The following PHF20 variants were observed in gnomAD, a reference collection of about 807,000 sequenced individuals.
PHF20 encodes the protein glioma-expressed antigen 2.
Under a neutral mutation model 113.5 loss-of-function variants are expected in PHF20, and 23 were observed. That is an observed-to-expected ratio of 0.20 (90% confidence interval 0.15 to 0.29). The LOEUF (loss-of-function observed/expected upper bound fraction) is 0.29, where lower values mean the gene tolerates loss of function less well. Ranked by LOEUF, PHF20 falls within the 10% of genes least tolerant of loss-of-function variation. The pLI is 1.00. For missense variants in PHF20, 943 were observed against 1,219.6 expected (o/e 0.77, Z 3.38); for synonymous variants, 434 against 457.3 (o/e 0.95, Z 0.65).
intron 14 of PHF20, among the ~76,000 whole-genome samples, chr20:35,930,260 T>C (rs1002279065): frequency 6.6e-6 from 1 of 152,206 alleles, no homozygotes; most frequent in Non-Finnish European, 1.5e-5. Flanking sequence ...TCAAGATGCC[T>C]TTTGCCAGGC....
At chr20:35,833,807 C>T (rs2042392808) in intron 2 of PHF20, among the ~76,000 whole-genome samples, 1 of 152,088 alleles carries the variant, frequency 6.6e-6, no homozygotes, top group Non-Finnish European at 1.5e-5. Context: ...TGCCTGTAAT[C>T]CCAGCACTTT....
intron 1 of PHF20, among the ~76,000 whole-genome samples, chr20:35,800,975 A>G (rs2041770156): frequency 6.6e-6 from 1 of 152,128 alleles, no homozygotes; most frequent in Non-Finnish European, 1.5e-5. Context: ...ATAGGCATAC[A>G]TTACTGTGCC....
At chr20:35,889,309 TG>T (rs1395792460) in intron 9 of PHF20, among the ~76,000 whole-genome samples, 2 of 151,522 alleles carry the variant, frequency 1.3e-5, no homozygotes, top group Non-Finnish European at 2.9e-5. Flanking sequence ...CCACCGTGCC[TG>T]GTGCTATACA....
intron 10 of PHF20, among the ~76,000 whole-genome samples, chr20:35,902,446 TG>T (rs1248810329): frequency 6.6e-6 from 1 of 152,212 alleles, no homozygotes; most frequent in East Asian, 1.9e-4. Context: ...GAGGGACCCA[TG>T]GAAGTCCTGC....
intron 1 of PHF20, among the ~76,000 whole-genome samples, chr20:35,790,804 G>T (rs753931253): frequency 6.6e-6 from 1 of 152,050 alleles, no homozygotes; most frequent in African/African-American, 2.4e-5. Flanking sequence ...CAAATGCTGC[G>T]CTGAGTACCT....
intron 12 of PHF20, among the ~76,000 whole-genome samples, chr20:35,916,093 T>C (rs2055398614): frequency 6.6e-6 from 1 of 152,006 alleles, no homozygotes; most frequent in Non-Finnish European, 1.5e-5. Flanking sequence ...GCTGTGATCA[T>C]GCCACTGCAC....
At chr20:35,830,648 C>CTT (rs924861359) in intron 2 of PHF20, among the ~76,000 whole-genome samples, 1 of 151,404 alleles carries the variant, frequency 6.6e-6, no homozygotes, top group Non-Finnish European at 1.5e-5. Context: ...TGCTGCAGTG[C>CTT]TTTTTTTTCT....
chr20:35,938,473 G>T (rs1383520670), intron 15 of PHF20, among the ~76,000 whole-genome samples: 2 of 152,178 alleles, frequency 1.3e-5, no homozygotes, highest in East Asian at 3.9e-4. Context: ...TTCTGACTGA[G>T]AGTCCAGTCC....
intron 1 of PHF20, among the ~76,000 whole-genome samples, chr20:35,784,801 A>G (rs2041376223): frequency 6.6e-6 from 1 of 152,116 alleles, no homozygotes; most frequent in South Asian, 2.1e-4. Context: ...CTGTAATTCC[A>G]GCACTTTGGG....
intron 17 of PHF20, among the ~76,000 whole-genome samples, chr20:35,941,349 G>C (rs1568805847): frequency 6.6e-6 from 1 of 152,228 alleles, no homozygotes; most frequent in African/African-American, 2.4e-5. Context: ...TGTGATCTAA[G>C]CCAATCTTTA....
At chr20:35,784,122 C>G (rs1174516503) in intron 1 of PHF20, among the ~76,000 whole-genome samples, 1 of 149,708 alleles carries the variant, frequency 6.7e-6, no homozygotes, top group Non-Finnish European at 1.5e-5. Context: ...GGCACAATCT[C>G]GGTTCACTGC....
At position 35,913,463 on chromosome 20, in the gene PHF20, C is replaced by T. The variant is rs545368427; in HGVS notation, c.1660+116C>T. On this transcript the variant is annotated intron_variant, in intron 11 of 17. Coordinates refer to ENST00000374012, the MANE Select transcript of PHF20 (RefSeq NM_016436.5). ...TGAGCAGAGGAAGGACCAATAGTCTCTTACCAGGGCTTGTGGGCTCAACCT... is the reference window on the plus strand; with the variant it reads ...TGAGCAGAGGAAGGACCAATAGTCTTTTACCAGGGCTTGTGGGCTCAACCT... The T allele has an allele frequency of 2.9e-5, 21 of 735,810 alleles. No individual in the cohort carries two copies. The South Asian group carries it at 3.4e-4, about 12-fold the overall frequency. The allele number at this position is 735,810 out of a possible 1,614,324, so 45.6% of individuals were successfully genotyped here.
intron 7 of PHF20, among the ~76,000 whole-genome samples, chr20:35,869,935 G>A (rs1223377049): frequency 1.6e-4 from 24 of 151,720 alleles, no homozygotes; most frequent in Non-Finnish European, 3.2e-4. Flanking sequence ...TGAGGTGGGT[G>A]GATCATCTGA....
At chr20:35,918,935 C>G (rs1600934883) in intron 13 of PHF20, among the ~76,000 whole-genome samples, 1 of 152,198 alleles carries the variant, frequency 6.6e-6, no homozygotes, top group African/African-American at 2.4e-5. Context: ...GAAACAGGCC[C>G]AGCCCCTTTG....
At chr20:35,869,215 C>T (rs1389431074) in intron 6 of PHF20, among the ~76,000 whole-genome samples, 1 of 152,052 alleles carries the variant, frequency 6.6e-6, no homozygotes, top group African/African-American at 2.4e-5. Flanking sequence ...AGAAAAGATT[C>T]AGGAGGTCAA....
intron 10 of PHF20, among the ~76,000 whole-genome samples, chr20:35,911,278 G>A (rs753999789): frequency 6.6e-5 from 10 of 151,368 alleles, no homozygotes; most frequent in Non-Finnish European, 1.2e-4. Flanking sequence ...TCCTGACCTC[G>A]TGATCCGCCC....
At chr20:35,926,437 C>T (rs1466473026) in intron 13 of PHF20, among the ~76,000 whole-genome samples, 1 of 151,814 alleles carries the variant, frequency 6.6e-6, no homozygotes, top group Non-Finnish European at 1.5e-5. Flanking sequence ...GACGGGGTTT[C>T]ACTGTGTTAG....
intron 9 of PHF20, among the ~76,000 whole-genome samples, chr20:35,885,440 TACTGGAGTGGGGG>T (rs1340526239): frequency 7.3e-5 from 11 of 150,326 alleles, no homozygotes; most frequent in African/African-American, 2.5e-4. Flanking sequence ...CTACTTTTTT[TACTGGAGTGGGGG>T]ACAGGGGAAT....
In PHF20 at chr20:35,899,655, A is replaced by G; in HGVS notation, c.1561+7A>G. 1 of 1,613,142 alleles carries G rather than the reference A, an allele frequency of 6.2e-7. No individual in the cohort carries two copies. Among genetic ancestry groups the G allele is most frequent in the East Asian group, 2.2e-5 (1 of 44,870 alleles). On this transcript the variant is annotated splice_region_variant and intron_variant, in intron 10 of 17. Coordinates refer to ENST00000374012, the MANE Select transcript of PHF20 (RefSeq NM_016436.5). ...GTCTCTGCCAGTTCCCCAAGTAAGT[A>G]TCTTCATTCTTCATTGTGTCATGGA...
Sources: gnomAD v4.1 joint callset for allele counts (sites outside exome capture counted in the v4.1 genomes callset) on GRCh38, gnomAD v4.1.1 for gene constraint, MANE v1.5 for transcripts, NCBI Gene and HGNC (gene_info 2026-07-23, HGNC 2026-07-21) for gene names.